CEP164: variants seen among roughly 807,000 people sequenced by gnomAD.
CEP164 encodes centrosomal protein of 164 kDa.
Under a neutral mutation model 182.7 loss-of-function variants are expected in CEP164, and 162 were observed. The observed-to-expected ratio is 0.89, with a 90% CI of 0.78 to 1.01. The LOEUF is 1.01. Among genes scored for constraint, CEP164 ranks in the 50% least tolerant of loss-of-function variants. CEP164 has a pLI of 0.00. For synonymous variants in CEP164, 661 were observed against 690.0 expected, an observed-to-expected ratio of 0.96 and a Z score of 0.66; for missense variants, 1,735 against 1,790.4, an observed-to-expected ratio of 0.97 and a Z score of 0.56.
In CEP164 at chr11:117,354,383, A is replaced by T. The variant is rs550968056; in HGVS notation, c.393+2395A>T. 9.2e-5 allele frequency among the ~76,000 whole-genome samples: 14 copies of T among 152,284 alleles called. 1 individual carries two copies. In the South Asian group the frequency reaches 2.9e-3, roughly 32 times the overall value. ...CTGAGAGCTGGATAGTATCTTAGGG[A>T]TAATCTGGTTGGCGAGTTTCAGACT... is the stretch of plus-strand genomic sequence containing the variant. On this transcript the variant is annotated intron_variant, in intron 5 of 32. Transcript: ENST00000278935.
chr11:117,389,166 G>A (rs1377036654), intron 15 of CEP164, among the ~76,000 whole-genome samples: 3 of 152,124 alleles, frequency 2.0e-5, no homozygotes, highest in Admixed American at 6.5e-5. Context: ...TGCTACAGAA[G>A]CTTTTCAAAG....
Position 117,347,570 on chromosome 11 carries a change from C to T in CEP164, c.194+3293C>T, listed in dbSNP as rs533332067. On this transcript the variant is annotated intron_variant, in intron 4 of 32. Coordinates refer to ENST00000278935, the MANE Select transcript of CEP164 (RefSeq NM_014956.5). The stretch of plus-strand genomic sequence containing the variant: ...TACTAAAAATGCAAAATTAGCCAGG[C>T]GTGGTGGCACATGCCTGTAATCCCA... Among the ~76,000 whole-genome samples the T allele has an allele frequency of 3.6e-4, 55 of 151,878 alleles. No homozygotes were observed. The South Asian group carries it at 4.2e-3, about 11-fold the overall frequency.
Position 117,351,955 on chromosome 11 carries a change from C to G in CEP164, c.360C>G (p.Asp120Glu). 1 of 1,604,112 alleles carries G rather than the reference C, an allele frequency of 6.2e-7. No individual in the cohort carries two copies. ...AGAAAAAAAAAAAGGAAAAGAAAGA[C>G]AAGAAGGACAGAGACCCCCCCAAAA... ...KKKKKKKEKK[D>E]KKDRDPPKSS... The change falls in exon 5 of 33, where the codon GAC becomes GAG. Residue 120 changes from aspartate (D) to glutamate (E), a missense_variant. Coordinates refer to ENST00000278935, the MANE Select transcript of CEP164 (RefSeq NM_014956.5).
In CEP164 at chr11:117,390,816, G is replaced by A; in HGVS notation, c.1974G>A (p.Glu658=). 6.2e-7 allele frequency: 1 copy of A among 1,613,868 alleles called. No homozygotes were observed. Among genetic ancestry groups the A allele is most frequent in the Non-Finnish European group, 8.5e-7 (1 of 1,179,990 alleles). ...GGCTGCAGAAAGCCATTGAGGAGGA[G>A]GAGGCCCGGATGAGAGAGGAGGAAA... ...RERLQKAIEE[E]EARMREEESQ... is the part of the protein sequence containing the mutation. Residue 658 remains glutamate, a synonymous_variant, in exon 16 of 33, where the codon GAG becomes GAA. Transcript: ENST00000278935.
In CEP164 at chr11:117,381,784, C is replaced by T. The variant is rs773140295; in HGVS notation, c.1493C>T (p.Pro498Leu). The T allele has an allele frequency of 2.2e-5, 35 of 1,589,932 alleles. No individual in the cohort carries two copies. The Admixed American group carries it at 5.8e-4, about 26-fold the overall frequency. The change falls in exon 13 of 33, where the codon CCC (proline) becomes CTC (leucine). Residue 498 changes from proline (P) to leucine (L), a missense_variant. By Grantham distance (98) the Pro-to-Leu change is moderately conservative. Coordinates refer to ENST00000278935, the MANE Select transcript of CEP164 (RefSeq NM_014956.5). Reference protein sequence around the residue: ...LATEEEPPQGPEGQPEWKEAE... With the variant: ...LATEEEPPQGLEGQPEWKEAE... The stretch of plus-strand genomic sequence containing the variant: ...ACTGAAGAAGAGCCTCCCCAGGGCC[C>T]CGAGGGGCAGCCCGAGTGGAAGGAG...
rs2047058898 is a variant in CEP164 at position 117,409,318 on chromosome 11, C to G, written c.3748+290C>G. 4 of 576,854 alleles carry G rather than the reference C, an allele frequency of 6.9e-6. No homozygotes were observed. The highest frequency in any genetic ancestry group is 1.2e-5 in the Non-Finnish European group (4 of 325,856). 35.7% of individuals were successfully genotyped at this position (576,854 alleles called of 1,614,324 possible). On this transcript the variant is annotated intron_variant, in intron 29 of 32. Coordinates refer to ENST00000278935, the MANE Select transcript of CEP164 (RefSeq NM_014956.5). This position sits in a 1 kb window ranked among gnomAD's most constrained non-coding sequence, Gnocchi z 4.4. ...AGGGCCTCCTTGAGGAGGCTTTTCT[C>G]TCTCAGCTGCCCTGGCCTGTATGTG...
rs778310910 is a variant in CEP164 at position 117,382,899 on chromosome 11, G to A, written c.1681G>A (p.Glu561Lys). The change falls in exon 14 of 33, where the codon GAG (glutamate) becomes AAG (lysine). Residue 561 changes from glutamate to lysine, a missense_variant. Transcript: ENST00000278935. ...PGQEEAEDPEEKVAVSPTPPV... is the reference protein window; with the variant it reads ...PGQEEAEDPEKKVAVSPTPPV... Reference sequence around the variant, plus strand: ...GCAGGAAGAGGCAGAGGATCCTGAGGAGAAGGTGGCGGTCAGCCCCACCCC... The same window carrying A: ...GCAGGAAGAGGCAGAGGATCCTGAGAAGAAGGTGGCGGTCAGCCCCACCCC... 6.2e-7 allele frequency: 1 copy of A among 1,613,840 alleles called. No individual in the cohort carries two copies. The highest frequency in any genetic ancestry group is 8.5e-7 in the Non-Finnish European group (1 of 1,179,998).
At position 117,407,993 on chromosome 11, in the gene CEP164, G is replaced by A. The variant is rs763079005; in HGVS notation, c.3570G>A (p.Glu1190=). 1 of 1,600,586 alleles carries A rather than the reference G, an allele frequency of 6.2e-7. No homozygotes were observed. Among genetic ancestry groups the A allele is most frequent in the Admixed American group, 1.7e-5 (1 of 58,290 alleles). Residue 1190 remains glutamate, a synonymous_variant, in exon 28 of 33, where the codon GAG becomes GAA. Coordinates refer to ENST00000278935, the MANE Select transcript of CEP164 (RefSeq NM_014956.5). ...RKGHNLLKKK[E]EKLNQLESSL... is the part of the protein sequence containing the mutation. ...GCCACAACCTGCTGAAGAAGAAAGA[G>A]GAGAAGCTGAATCAGTTGGAGTCCT...
At chr11:117,400,438 C>A (rs2045997636) in intron 27 of CEP164, among the ~76,000 whole-genome samples, 1 of 152,214 alleles carries the variant, frequency 6.6e-6, no homozygotes, top group Admixed American at 6.5e-5. Context: ...CAGCTTTGTT[C>A]TTTTTGCTTA....
Position 117,409,485 on chromosome 11 carries a change from A to C in CEP164, c.3749-133A>C, listed in dbSNP as rs1018904086. 118 of 784,312 alleles carry C rather than the reference A, an allele frequency of 1.5e-4. 1 individual carries two copies. In the South Asian group the frequency reaches 1.7e-3, roughly 11 times the overall value. 48.6% of individuals were successfully genotyped at this position (784,312 alleles called of 1,614,324 possible). A position where few individuals can be genotyped will look rare whatever the true frequency, so the allele number is the denominator to read the frequency against. Reference sequence around the variant, plus strand: ...AAGCCCTGCCATCCCTGACCCCCTCATAAGGTTGAGGGGCTGTTGTCTGGA... The same window carrying C: ...AAGCCCTGCCATCCCTGACCCCCTCCTAAGGTTGAGGGGCTGTTGTCTGGA... On this transcript the variant is annotated intron_variant, in intron 29 of 32. Transcript: ENST00000278935. The surrounding 1 kb of genome is among the most constrained non-coding windows in gnomAD (Gnocchi z 4.4).
At chr11:117,384,469 CAG>C (rs1381537474) in intron 14 of CEP164, 2 of 152,198 alleles carry the variant, frequency 1.3e-5, no homozygotes, top group Non-Finnish European at 2.9e-5. Flanking sequence ...GGATGTAGTT[CAG>C]AGAGAGGAAG....
At chr11:117,330,024 A>G (rs1420568593) in intron 1 of CEP164, among the ~76,000 whole-genome samples, 1 of 151,530 alleles carries the variant, frequency 6.6e-6, no homozygotes, top group Non-Finnish European at 1.5e-5. Context: ...AATTCTTTGC[A>G]CCCACCTTAT....
intron 8 of CEP164, among the ~76,000 whole-genome samples, chr11:117,367,591 T>C (rs1466033378): frequency 6.6e-6 from 1 of 152,186 alleles, no homozygotes; most frequent in Non-Finnish European, 1.5e-5. Flanking sequence ...TTGTTACATA[T>C]GTATACATGT....
Position 117,383,763 on chromosome 11 carries a change from G to A in CEP164, c.1724+821G>A, listed in dbSNP as rs372374111. Among the ~76,000 whole-genome samples the A allele has an allele frequency of 1.6e-4, 25 of 152,294 alleles. No individual in the cohort carries two copies. The East Asian group carries it at 2.3e-3, about 14-fold the overall frequency. On this transcript the variant is annotated intron_variant, in intron 14 of 32. Coordinates refer to ENST00000278935, the MANE Select transcript of CEP164 (RefSeq NM_014956.5). ...ATTAGAACTAGATTATAGGCCGGGC[G>A]CGGTGGCTCACACCTGTAATCCCAG...
chr11:117,400,459 G>C (rs1489347576), intron 27 of CEP164, among the ~76,000 whole-genome samples: 2 of 152,082 alleles, frequency 1.3e-5, no homozygotes. Context: ...GGATTGTCTT[G>C]GCTATACAGG....
At chr11:117,336,469 A>G (rs2134952984) in intron 2 of CEP164, 1 of 1,484,382 alleles carries the variant, frequency 6.7e-7, no homozygotes, top group Admixed American at 1.7e-5. Flanking sequence ...CCCACCTGGG[A>G]GGAAAGCTGG....
rs755342279 is a variant in CEP164, at chr11:117,397,127, T to C, written c.3315T>C (p.Ala1105=). The change falls in exon 27 of 33, where the codon GCT becomes GCC. Residue 1105 remains alanine, a synonymous_variant. Transcript: ENST00000278935. ...ACAATGTCTGGCACCTCCTCTCTGC[T>C]GAGGGGGTAGCCCTCCGTAGTGCCA... ...SSHNVWHLLS[A]EGVALRSAKE... is the part of the protein sequence containing the mutation. 6.2e-7 allele frequency: 1 copy of C among 1,614,178 alleles called. No individual in the cohort carries two copies. The highest frequency in any genetic ancestry group is 8.5e-7 in the Non-Finnish European group (1 of 1,179,996).
chr11:117,389,395 T>A (rs963182844), intron 15 of CEP164, among the ~76,000 whole-genome samples: 1 of 152,232 alleles, frequency 6.6e-6, no homozygotes, highest in African/African-American at 2.4e-5. Context: ...TGGGGCTGGA[T>A]GATGCTGTTC....
Position 117,396,060 on chromosome 11 carries a change from G to A in CEP164, c.3096G>A (p.Leu1032=), listed in dbSNP as rs751473649. The change falls in exon 25 of 33, where the codon CTG becomes CTA. Residue 1032 remains leucine (L), a synonymous_variant. Coordinates refer to ENST00000278935, the MANE Select transcript of CEP164 (RefSeq NM_014956.5). ...CTCATCTTTCCTTCCACAGCAGCCTGGAGGCTGAAGCTCAAAAGAAGCAGC... is the reference window on the plus strand; with the variant it reads ...CTCATCTTTCCTTCCACAGCAGCCTAGAGGCTGAAGCTCAAAAGAAGCAGC... ...SQQLQKHFSS[L]EAEAQKKQHL... 1 of 1,614,136 alleles carries A rather than the reference G, an allele frequency of 6.2e-7. No individual in the cohort carries two copies. The highest frequency in any genetic ancestry group is 1.7e-5 in the Admixed American group (1 of 60,020).
Sources: gnomAD v4.1 joint callset for allele counts (sites outside exome capture counted in the v4.1 genomes callset) on GRCh38, gnomAD v4.1.1 for gene constraint, Gnocchi (gnomAD v3.1) non-coding constraint, MANE v1.5 for transcripts, NCBI Gene and HGNC (gene_info 2026-07-23, HGNC 2026-07-21) for gene names.